The following CHRM3 variants were observed in gnomAD, a reference collection of about 807,000 sequenced individuals.
CHRM3 encodes cholinergic receptor muscarinic 3.
Under a neutral mutation model 41.8 loss-of-function variants are expected in CHRM3, and 11 were observed. That is an observed-to-expected ratio of 0.26 (90% CI 0.17 to 0.44). The LOEUF (loss-of-function observed/expected upper bound fraction) is 0.44. CHRM3 is among the 20% of genes least tolerant of loss of function. The pLI is 1.00. For synonymous variants in CHRM3, 297 were observed against 301.4 expected, an observed-to-expected ratio of 0.99 and a Z score of 0.15; for missense variants, 571 against 745.4, an observed-to-expected ratio of 0.77 and a Z score of 2.72.
At chr1:239,692,450 C>T (rs1191935575) in intron 5 of CHRM3, among the ~76,000 whole-genome samples, 1 of 152,076 alleles carries the variant, frequency 6.6e-6, no homozygotes, top group Admixed American at 6.6e-5. Flanking sequence ...GTGTGTCTCA[C>T]TGTTTTGAAA....
chr1:239,842,210 CTTTTT>C (rs11294705), intron 6 of CHRM3, among the ~76,000 whole-genome samples: 2 of 128,042 alleles, frequency 1.6e-5, no homozygotes. Context: ...ACATGTACTT[CTTTTT>C]TTTTTTTTTT....
intron 1 of CHRM3, among the ~76,000 whole-genome samples, chr1:239,480,631 A>G (rs1407672585): frequency 7.4e-6 from 1 of 135,730 alleles, no homozygotes; most frequent in Non-Finnish European, 1.5e-5. Flanking sequence ...ATCTTGGCTC[A>G]CTGCAAGCTC....
At chr1:239,799,259 G>A (rs1173066914) in intron 5 of CHRM3, among the ~76,000 whole-genome samples, 1 of 152,166 alleles carries the variant, frequency 6.6e-6, no homozygotes, top group East Asian at 1.9e-4. Context: ...AAGTGATGAG[G>A]AGTGGAGTGC....
chr1:239,504,412 C>T (rs1279564585), intron 2 of CHRM3, among the ~76,000 whole-genome samples: 4 of 152,052 alleles, frequency 2.6e-5, no homozygotes, highest in Admixed American at 2.6e-4. Context: ...AATCAAAAAA[C>T]AGTAGATGTT....
At chr1:239,761,260 C>T (rs187278605) in intron 5 of CHRM3, among the ~76,000 whole-genome samples, 1 of 152,200 alleles carries the variant, frequency 6.6e-6, no homozygotes, top group Admixed American at 6.5e-5. Flanking sequence ...ATATGATTTT[C>T]CTTATCATGT....
intron 1 of CHRM3, among the ~76,000 whole-genome samples, chr1:239,451,017 T>C (rs1465782169): frequency 6.6e-6 from 1 of 152,132 alleles, no homozygotes; most frequent in African/African-American, 2.4e-5. Flanking sequence ...ATCATGCCAT[T>C]GCACTCCAGC....
intron 3 of CHRM3, among the ~76,000 whole-genome samples, chr1:239,598,569 G>A (rs1447563241): frequency 6.6e-6 from 1 of 151,980 alleles, no homozygotes; most frequent in African/African-American, 2.4e-5. Flanking sequence ...TCCCAACTAA[G>A]AATAAGACAC....
intron 4 of CHRM3, among the ~76,000 whole-genome samples, chr1:239,676,256 G>A (rs980843755): frequency 6.6e-6 from 1 of 152,156 alleles, no homozygotes; most frequent in African/African-American, 2.4e-5. Context: ...AGTCTGCAGG[G>A]GAAATTTGAG....
chr1:239,636,363 C>T (rs1670468621), intron 4 of CHRM3, among the ~76,000 whole-genome samples: 1 of 152,288 alleles, frequency 6.6e-6, no homozygotes, highest in Non-Finnish European at 1.5e-5. Context: ...GTCACTGTGC[C>T]AGGCATTTCC....
intron 2 of CHRM3, among the ~76,000 whole-genome samples, chr1:239,538,759 A>G (rs1212134903): frequency 2.0e-5 from 3 of 152,184 alleles, no homozygotes; most frequent in East Asian, 3.9e-4. Context: ...CCTCATTACA[A>G]ATGTAAACAC....
chr1:239,814,845 C>T (rs920731583), intron 5 of CHRM3, among the ~76,000 whole-genome samples: 4 of 152,156 alleles, frequency 2.6e-5, no homozygotes, highest in African/African-American at 9.7e-5. Context: ...GGCAGTGATG[C>T]AGTCTCGGCT....
At chr1:239,685,862 C>CA (rs1031833622) in intron 5 of CHRM3, among the ~76,000 whole-genome samples, 8 of 151,424 alleles carry the variant, frequency 5.3e-5, no homozygotes, top group East Asian at 3.9e-4. Flanking sequence ...AAAAAACAAA[C>CA]AAAAAAAACT....
intron 3 of CHRM3, among the ~76,000 whole-genome samples, chr1:239,577,170 T>C (rs548725966): frequency 5.3e-5 from 8 of 152,240 alleles, no homozygotes; most frequent in African/African-American, 1.9e-4. Flanking sequence ...CTACTTGTGT[T>C]GTCTACTATT....
intron 3 of CHRM3, among the ~76,000 whole-genome samples, chr1:239,582,932 T>A (rs963343454): frequency 4.1e-4 from 63 of 152,230 alleles, no homozygotes; most frequent in African/African-American, 1.5e-3. Flanking sequence ...CTCTCCAGAG[T>A]CATAGAAGCT....
At chr1:239,588,787 T>C (rs568436235) in intron 3 of CHRM3, among the ~76,000 whole-genome samples, 67 of 152,294 alleles carry the variant, frequency 4.4e-4, no homozygotes, top group African/African-American at 1.6e-3. Context: ...AGACTTTGAA[T>C]ATGTAGAACA....
At chr1:239,577,947 G>A (rs1002253456) in intron 3 of CHRM3, among the ~76,000 whole-genome samples, 5 of 152,100 alleles carry the variant, frequency 3.3e-5, no homozygotes, top group Non-Finnish European at 5.9e-5. Flanking sequence ...AATGACAGAC[G>A]TATTAATGGG....
chr1:239,712,009 A>G (rs1255548345), intron 5 of CHRM3, among the ~76,000 whole-genome samples: 1 of 152,060 alleles, frequency 6.6e-6, no homozygotes, highest in African/African-American at 2.4e-5. Context: ...ATGCCTTTTG[A>G]TCTCAGCCTT....
intron 3 of CHRM3, among the ~76,000 whole-genome samples, chr1:239,567,049 C>G (rs1472990949): frequency 1.3e-5 from 2 of 152,130 alleles, no homozygotes; most frequent in East Asian, 3.8e-4. Flanking sequence ...TTATAATTAT[C>G]TCAAGAACTT....
chr1:239,743,842 G>C (rs187928063), intron 5 of CHRM3, among the ~76,000 whole-genome samples: 49 of 119,438 alleles, frequency 4.1e-4, no homozygotes, highest in East Asian at 1.3e-3. Context: ...ACCCAGACTA[G>C]AGTGCAGCAG....
Sources: gnomAD v4.1 joint callset for allele counts (sites outside exome capture counted in the v4.1 genomes callset) on GRCh38, gnomAD v4.1.1 for gene constraint, MANE v1.5 for transcripts, NCBI Gene and HGNC (gene_info 2026-07-23, HGNC 2026-07-21) for gene names.